MTBP: variants seen among roughly 807,000 people sequenced by gnomAD.
MTBP encodes the protein MDM2 binding protein, also known as mdm2-binding protein.
MTBP carries 101 observed loss-of-function variants against 117.0 expected under a neutral mutation model. The ratio of observed to expected loss-of-function variants is 0.86; its 90% CI spans 0.73 to 1.02. The LOEUF (loss-of-function observed/expected upper bound fraction) is 1.02, where lower values mean the gene tolerates loss of function less well. Ranked by LOEUF, MTBP falls within the 50% of genes least tolerant of loss-of-function variation. The pLI is 0.00. For synonymous variants in MTBP, 350 were observed against 351.5 expected, an observed-to-expected ratio of 1.00 and a Z score of 0.05; for missense variants, 970 against 1,030.9, an observed-to-expected ratio of 0.94 and a Z score of 0.81.
chr8:120,467,552 G>A (rs1449204647), intron 10 of MTBP, among the ~76,000 whole-genome samples: 2 of 152,190 alleles, frequency 1.3e-5, no homozygotes, highest in African/African-American at 4.8e-5. Context: ...GTTGCAGTGA[G>A]CAGAGATCAC....
chr8:120,463,563 C>A (rs1270669810), intron 9 of MTBP, 129 bp from the exon 10 acceptor site: 1 of 677,044 alleles, frequency 1.5e-6, no homozygotes, highest in Non-Finnish European at 2.4e-6. Flanking sequence ...TAATTGTTAA[C>A]TGCTACAGTT....
intron 12 of MTBP, 142 bp downstream of exon 12, chr8:120,488,474 T>C (rs1814266783): frequency 1.6e-6 from 1 of 636,784 alleles, no homozygotes; most frequent in Non-Finnish European, 2.3e-6. Context: ...AATTTACCTT[T>C]TATTTAAAAC....
chr8:120,453,995 C>G lies in MTBP; in HGVS notation c.484+90C>G, dbSNP rs1483464627. On this transcript the variant is annotated intron_variant, in intron 5 of 21. Transcript: ENST00000305949. ...TAAATTTGTTCTTTATGTTAGTGTT[C>G]TCACTCTAATCTTTAAATTAAAAAA... 3 of 701,450 alleles carry G rather than the reference C, an allele frequency of 4.3e-6. No homozygotes were observed. The South Asian group carries it at 7.6e-5, about 18-fold the overall frequency. 43.5% of individuals were successfully genotyped at this position (701,450 alleles called of 1,614,324 possible). A position where few individuals can be genotyped will look rare whatever the true frequency, so the allele number is the denominator to read the frequency against.
At chr8:120,496,855 C>T (rs1305214790) in intron 13 of MTBP, among the ~76,000 whole-genome samples, 2 of 152,220 alleles carry the variant, frequency 1.3e-5, no homozygotes, top group Admixed American at 6.5e-5. Context: ...TTATACTCCT[C>T]GGTAGTGCCT....
intron 13 of MTBP, among the ~76,000 whole-genome samples, chr8:120,495,966 C>T (rs1199428848): frequency 6.6e-6 from 1 of 152,104 alleles, no homozygotes; most frequent in Non-Finnish European, 1.5e-5. Flanking sequence ...CACTTCTCCC[C>T]CCCAACATTT....
intron 11 of MTBP, among the ~76,000 whole-genome samples, chr8:120,475,585 T>A (rs1454316386): frequency 6.6e-6 from 1 of 151,992 alleles, no homozygotes; most frequent in Non-Finnish European, 1.5e-5. Context: ...TAGTTTGAAC[T>A]TAAATGGACA....
At chr8:120,510,072 A>G (rs760431777) in intron 17 of MTBP, 43 bp downstream of exon 17, 1 of 1,328,416 alleles carries the variant, frequency 7.5e-7, no homozygotes, top group South Asian at 1.3e-5. Flanking sequence ...TGTTGTTGAT[A>G]CAGCCTGTCT....
chr8:120,512,027 A>G (rs1300326151), intron 17 of MTBP, among the ~76,000 whole-genome samples: 1 of 152,146 alleles, frequency 6.6e-6, no homozygotes. Context: ...TCCATCAGCT[A>G]TAAAGCAGTA....
chr8:120,516,044 CT>C lies in MTBP; in HGVS notation c.2100del (p.Val701CysfsTer2). ...ACCAGAGAAAGTTTTCCAGTACCTA[CT>C]GTGTTGAGCCCTCTTCCATCTCCTG... ...TCTRESFPVP[T>X]VLSPLPSPVV... On this transcript the variant is annotated frameshift_variant, in exon 18 of 22. Transcript: ENST00000305949. LOFTEE classifies it high-confidence loss of function. The C allele has an allele frequency of 6.2e-7, 1 of 1,613,174 alleles. No individual in the cohort carries two copies. The highest frequency in any genetic ancestry group is 8.5e-7 in the Non-Finnish European group (1 of 1,179,302).
At chr8:120,458,773 G>A (rs1374209202) in intron 7 of MTBP, among the ~76,000 whole-genome samples, 1 of 151,510 alleles carries the variant, frequency 6.6e-6, no homozygotes, top group Non-Finnish European at 1.5e-5. Flanking sequence ...CCCAGGAGGT[G>A]GAGATTGCAG....
intron 10 of MTBP, among the ~76,000 whole-genome samples, chr8:120,465,871 T>G (rs927340336): frequency 2.0e-5 from 3 of 152,122 alleles, no homozygotes; most frequent in Non-Finnish European, 4.4e-5. Flanking sequence ...GTACCTATAG[T>G]TTAACACAGG....
intron 17 of MTBP, 104 bp downstream of exon 17, chr8:120,510,133 G>A: frequency 1.2e-6 from 1 of 822,448 alleles, no homozygotes; most frequent in Non-Finnish European, 1.8e-6. Flanking sequence ...CAGAGACCAA[G>A]AGGATATGTC....
intron 11 of MTBP, among the ~76,000 whole-genome samples, chr8:120,487,648 T>C (rs573907830): frequency 3.3e-5 from 5 of 152,360 alleles, no homozygotes; most frequent in Admixed American, 3.3e-4. Context: ...AGACGCTGTC[T>C]TAACTGACCT....
chr8:120,476,625 C>A (rs969723122), intron 11 of MTBP, among the ~76,000 whole-genome samples: 25 of 151,856 alleles, frequency 1.6e-4, no homozygotes, highest in Non-Finnish European at 3.5e-4. Flanking sequence ...GACAAAGAGC[C>A]AAATCATGAA....
At chr8:120,512,494 TA>T (rs1484198451) in intron 17 of MTBP, among the ~76,000 whole-genome samples, 7 of 152,216 alleles carry the variant, frequency 4.6e-5, no homozygotes, top group Admixed American at 3.9e-4. Flanking sequence ...TATACAAATT[TA>T]TAAAATTTGT....
chr8:120,509,875 T>G, intron 16 of MTBP, 59 bp from the exon 17 acceptor site: 1 of 1,207,028 alleles, frequency 8.3e-7, no homozygotes, highest in Non-Finnish European at 1.2e-6. Context: ...ATACTTTCTT[T>G]AACTTTCTTT....
chr8:120,463,094 G>T (rs1813615325), intron 9 of MTBP, among the ~76,000 whole-genome samples: 1 of 152,050 alleles, frequency 6.6e-6, no homozygotes, highest in Non-Finnish European at 1.5e-5. Context: ...GGACTTCCTG[G>T]TATATGGTGT....
chr8:120,515,869 G>C, intron 17 of MTBP, 56 bp from the exon 18 acceptor site: 1 of 1,479,156 alleles, frequency 6.8e-7, no homozygotes, highest in Non-Finnish European at 9.2e-7. Context: ...ATTGAAAGGG[G>C]AAAGTCTGTT....
intron 13 of MTBP, among the ~76,000 whole-genome samples, chr8:120,492,712 T>C (rs1208073805): frequency 6.6e-6 from 1 of 152,162 alleles, no homozygotes; most frequent in Non-Finnish European, 1.5e-5. Flanking sequence ...CTAATAACAC[T>C]ATTGAGGCAC....
Sources: gnomAD v4.1 joint callset for allele counts (sites outside exome capture counted in the v4.1 genomes callset) on GRCh38, gnomAD v4.1.1 for gene constraint, MANE v1.5 for transcripts, NCBI Gene and HGNC (gene_info 2026-07-23, HGNC 2026-07-21) for gene names.